CCDC127: variants seen among roughly 807,000 people sequenced by gnomAD.
CCDC127 encodes coiled-coil domain-containing protein 127.
Under a neutral mutation model 4.1 loss-of-function variants are expected in CCDC127, and 2 were observed. The observed-to-expected ratio is 0.49, with a 90% CI of 0.20 to 1.53. The LOEUF is 1.53. Among genes scored for constraint, CCDC127 ranks in the 40% most tolerant of loss-of-function variants. CCDC127 has a pLI of 0.23. For synonymous variants in CCDC127, 98 were observed against 120.4 expected (o/e 0.81, Z 1.22); for missense variants, 271 against 322.9 (o/e 0.84, Z 1.23).
Position 201,784 on chromosome 5 carries a change from C to G in CCDC127, c.*3513G>C, listed in dbSNP as rs569231805. ...ATCTCAACCCCTCCCCGCAAAAGTC[C>G]TTCCTTTTTAAGCCACTGCAACCTC... On this transcript the variant is annotated 3_prime_UTR_variant, in exon 3 of 3. Transcript: ENST00000296824. 3 of 152,208 alleles carry G rather than the reference C, an allele frequency of 2.0e-5. No individual in the cohort carries two copies. The highest frequency in any genetic ancestry group is 6.5e-5 in the Admixed American group (1 of 15,284). The allele number at this position is 152,208 out of a possible 1,614,324, so 9.4% of individuals were successfully genotyped here.
rs966129179 is a variant in CCDC127 at position 197,037 on chromosome 5, G to A, written c.*8260C>T. 1.2e-4 allele frequency: 17 copies of A among 138,544 alleles called. No individual in the cohort carries two copies. The highest frequency in any genetic ancestry group is 5.8e-4 in the African/African-American group (17 of 29,132). 8.6% of individuals were successfully genotyped at this position (138,544 alleles called of 1,614,324 possible). On this transcript the variant is annotated 3_prime_UTR_variant, in exon 3 of 3. Coordinates refer to ENST00000296824, the MANE Select transcript of CCDC127 (RefSeq NM_145265.3). ...ATAAGGAGGAGGTCAGCAAAAACGT[G>A]TGAGCAAAAGAATCTATGTCGTAAT...
In CCDC127 at chr5:197,361, G is replaced by C. The variant is rs574148787; in HGVS notation, c.*7936C>G. The C allele has an allele frequency of 6.6e-6, 1 of 152,198 alleles. No individual in the cohort carries two copies. The highest frequency in any genetic ancestry group is 2.4e-5 in the African/African-American group (1 of 41,436). The allele number at this position is 152,198 out of a possible 1,614,324, so 9.4% of individuals were successfully genotyped here. A position where few individuals can be genotyped will look rare whatever the true frequency, so the allele number is the denominator to read the frequency against. On this transcript the variant is annotated 3_prime_UTR_variant, in exon 3 of 3. Coordinates refer to ENST00000296824, the MANE Select transcript of CCDC127 (RefSeq NM_145265.3). ...TCAGCACAGACCCTTTACGGGTGTC[G>C]GGCTGGGGGACGGTCAGGTCTTTCT...
At chr5:206,930 T>C (rs1734187968) in intron 2 of CCDC127, among the ~76,000 whole-genome samples, 1 of 152,120 alleles carries the variant, frequency 6.6e-6, no homozygotes, top group African/African-American at 2.4e-5. Flanking sequence ...TGTGCTTCTA[T>C]CCTGTAACCC....
chr5:197,090 G>C lies in CCDC127; in HGVS notation c.*8207C>G, dbSNP rs973049365. 41 of 152,118 alleles carry C rather than the reference G, an allele frequency of 2.7e-4. No homozygotes were observed. The highest frequency in any genetic ancestry group is 3.9e-4 in the East Asian group (2 of 5,182). 9.4% of individuals were successfully genotyped at this position (152,118 alleles called of 1,614,324 possible). On this transcript the variant is annotated 3_prime_UTR_variant, in exon 3 of 3. Coordinates refer to ENST00000296824, the MANE Select transcript of CCDC127 (RefSeq NM_145265.3). Reference sequence around the variant, plus strand: ...AGTTCAAGGGAAGGTACTATGCCTGGACGTGCACGTAGGCCAGATTTATGT... The same window carrying C: ...AGTTCAAGGGAAGGTACTATGCCTGCACGTGCACGTAGGCCAGATTTATGT...
Sources: allele counts gnomAD v4.1 joint callset (sites outside exome capture counted in the v4.1 genomes callset), GRCh38; gene constraint gnomAD v4.1.1; transcripts MANE v1.5; gene names NCBI Gene and HGNC (gene_info 2026-07-23, HGNC 2026-07-21).